Variants in LAMP3 observed in about 807,000 individuals in gnomAD.
LAMP3 encodes the protein lysosome-associated membrane glycoprotein 3.
LAMP3 carries 26 observed loss-of-function variants against 34.8 expected under a neutral mutation model. The ratio of observed to expected loss-of-function variants is 0.75; its 90% CI spans 0.55 to 1.04. LAMP3 has a LOEUF of 1.04. Ranked by LOEUF, LAMP3 falls within the 50% of genes least tolerant of loss-of-function variation. The probability of loss-of-function intolerance (pLI) is 0.00; values close to 1 mark genes in which losing one functional copy is unlikely to be tolerated. For synonymous variants in LAMP3, 180 were observed against 201.9 expected, an observed-to-expected ratio of 0.89 and a Z score of 0.92; for missense variants, 495 against 524.0, an observed-to-expected ratio of 0.94 and a Z score of 0.54.
intron 4 of LAMP3, among the ~76,000 whole-genome samples, 166 bp downstream of exon 4, chr3:183,140,372 C>T (rs1342556834): frequency 7.1e-6 from 1 of 140,016 alleles, no homozygotes; most frequent in Non-Finnish European, 1.5e-5. Context: ...GATCGTGCCA[C>T]TACACTCCAG....
At chr3:183,153,304 A>G (rs754334807) in intron 2 of LAMP3, among the ~76,000 whole-genome samples, 1 of 152,176 alleles carries the variant, frequency 6.6e-6, no homozygotes, top group Non-Finnish European at 1.5e-5. Context: ...ACTGCCCGGA[A>G]CCATAGAGAC....
rs1720663922 is a variant in LAMP3, at chr3:183,152,369, C to T, written c.888+6G>A. On this transcript the variant is annotated splice_donor_region_variant and intron_variant, in intron 3 of 5. Transcript: ENST00000265598. Reference sequence around the variant, plus strand: ...TGCAGTTTGTGCAAAGGAGCTCAGGCCTCACCTTGGTAAATGTGAGATTCA... The same window carrying T: ...TGCAGTTTGTGCAAAGGAGCTCAGGTCTCACCTTGGTAAATGTGAGATTCA... 1.9e-6 allele frequency: 3 copies of T among 1,605,040 alleles called. No homozygotes were observed. The highest frequency in any genetic ancestry group is 2.7e-5 in the African/African-American group (2 of 74,412).
At chr3:183,150,157 T>C (rs1720586282) in intron 3 of LAMP3, among the ~76,000 whole-genome samples, 1 of 152,176 alleles carries the variant, frequency 6.6e-6, no homozygotes, top group Admixed American at 6.5e-5. Flanking sequence ...GACGACCTGC[T>C]GATGCTTCTG....
intron 4 of LAMP3, among the ~76,000 whole-genome samples, chr3:183,138,074 C>T (rs1298709868): frequency 2.0e-5 from 3 of 152,108 alleles, no homozygotes; most frequent in East Asian, 1.9e-4. Flanking sequence ...CTGCCCACCT[C>T]AGCCTCCCAA....
chr3:183,150,565 C>CT (rs10665288), intron 3 of LAMP3, among the ~76,000 whole-genome samples: 5,725 of 86,096 alleles, frequency 0.066, 394 homozygotes, highest in East Asian at 0.15. Context: ...GCCAAAGTGA[C>CT]TTTTTTTTTT....
At chr3:183,159,450 C>T (rs1720913790) in intron 1 of LAMP3, among the ~76,000 whole-genome samples, 1 of 151,890 alleles carries the variant, frequency 6.6e-6, no homozygotes, top group African/African-American at 2.4e-5. Context: ...CCTGGCAGGC[C>T]TTGGAGACTA....
In LAMP3 at chr3:183,137,678, T is replaced by C. The variant is rs140985657; in HGVS notation, c.947-1791A>G. On this transcript the variant is annotated intron_variant, in intron 4 of 5. Transcript: ENST00000265598. ...CTACCGTAATTACAACTGATTACTA[T>C]TCTTAATACCCCCACTAACATGAAA... Among the ~76,000 whole-genome samples, 18 of 152,316 alleles carry C rather than the reference T, an allele frequency of 1.2e-4. No individual in the cohort carries two copies. In the East Asian group the frequency reaches 3.1e-3, roughly 26 times the overall value.
chr3:183,130,566 C>G (rs535682017), intron 5 of LAMP3, among the ~76,000 whole-genome samples: 1 of 152,248 alleles, frequency 6.6e-6, no homozygotes, highest in African/African-American at 2.4e-5. Context: ...GCGTGGCAGT[C>G]GAGATACTCC....
intron 2 of LAMP3, 78 bp downstream of exon 2, chr3:183,153,604 G>C: frequency 1.1e-6 from 1 of 934,364 alleles, no homozygotes; most frequent in Non-Finnish European, 1.6e-6. Context: ...CAGGATGTGG[G>C]GAATGCTCAT....
rs1397793610 is a variant in LAMP3, at chr3:183,123,222, C to T, written c.*859G>A. 1 of 152,004 alleles carries T rather than the reference C, an allele frequency of 6.6e-6. No individual in the cohort carries two copies. Among genetic ancestry groups the T allele is most frequent in the African/African-American group, 2.4e-5 (1 of 41,378 alleles). The allele number at this position is 152,004 out of a possible 1,614,324, so 9.4% of individuals were successfully genotyped here. ...TCTTTTTGTTGGTTTTACATAAAAA[C>T]ACTTAGACAACCTGAGATATGTTGT... On this transcript the variant is annotated 3_prime_UTR_variant, in exon 6 of 6. Transcript: ENST00000265598.
Position 183,153,729 on chromosome 3 carries a change from T to C in LAMP3, c.712A>G (p.Ile238Val). The C allele has an allele frequency of 6.5e-7, 1 of 1,534,996 alleles. No individual in the cohort carries two copies. ...AGCTGTATCCCCATCTCTGCTTTTATACAGAGTCTGCTTCCGTTTAGAACC... is the reference window on the plus strand; with the variant it reads ...AGCTGTATCCCCATCTCTGCTTTTACACAGAGTCTGCTTCCGTTTAGAACC... ...YQVLNGSRLC[I>V]KAEMGIQLIV... Residue 238 changes from isoleucine (I) to valine (V), a missense_variant, in exon 2 of 6, where the codon ATA (isoleucine) becomes GTA (valine). Ile to Val is a conservative substitution (Grantham distance 29, BLOSUM62 3). Coordinates refer to ENST00000265598, the MANE Select transcript of LAMP3 (RefSeq NM_014398.4).
intron 5 of LAMP3, among the ~76,000 whole-genome samples, chr3:183,128,707 A>C (rs1031604575): frequency 6.6e-6 from 1 of 151,976 alleles, no homozygotes; most frequent in Non-Finnish European, 1.5e-5. Flanking sequence ...ACACCCAGCT[A>C]ATTTTTGTAT....
chr3:183,135,456 C>T (rs558789536), intron 5 of LAMP3, among the ~76,000 whole-genome samples: 44 of 152,232 alleles, frequency 2.9e-4, no homozygotes, highest in Admixed American at 8.5e-4. Flanking sequence ...TTTGATTGAG[C>T]GCGTGAGTGT....
At chr3:183,141,301 C>A (rs1055477049) in intron 3 of LAMP3, among the ~76,000 whole-genome samples, 7 of 152,172 alleles carry the variant, frequency 4.6e-5, no homozygotes, top group Non-Finnish European at 7.3e-5. Flanking sequence ...CCTAAAGCAG[C>A]ACCCCCACAT....
Position 183,154,138 on chromosome 3 carries a change from G to A in LAMP3, c.303C>T (p.Thr101=), listed in dbSNP as rs1720751830. 4 of 1,613,862 alleles carry A rather than the reference G, an allele frequency of 2.5e-6. No homozygotes were observed. Among genetic ancestry groups the A allele is most frequent in the Admixed American group, 3.3e-5 (2 of 59,990 alleles). ...TKNTATTSPI[T]YTLVTTQATP... ...TGGCCTGGGTTGTGACCAGGGTGTAGGTAATTGGGCTGGTGGTTGCAGTGT... is the reference window on the plus strand; with the variant it reads ...TGGCCTGGGTTGTGACCAGGGTGTAAGTAATTGGGCTGGTGGTTGCAGTGT... Residue 101 remains threonine (T), a synonymous_variant, in exon 2 of 6, where the codon ACC becomes ACT. Coordinates refer to ENST00000265598, the MANE Select transcript of LAMP3 (RefSeq NM_014398.4).
chr3:183,132,387 A>C (rs1366262443), intron 5 of LAMP3: 2 of 970,184 alleles, frequency 2.1e-6, no homozygotes, highest in Admixed American at 6.2e-5. Flanking sequence ...TTTGAAATGC[A>C]TTGGTTTTTT....
At chr3:183,140,477 G>T (rs1289704219) in intron 4 of LAMP3, 61 bp downstream of exon 4, 1 of 861,336 alleles carries the variant, frequency 1.2e-6, no homozygotes, top group Non-Finnish European at 1.9e-6. Flanking sequence ...GGGATGAAAG[G>T]TGAGCTAACC....
At chr3:183,149,131 T>C (rs1720534008) in intron 3 of LAMP3, among the ~76,000 whole-genome samples, 1 of 151,870 alleles carries the variant, frequency 6.6e-6, no homozygotes. Flanking sequence ...TTTGTGGAAA[T>C]TAAAAATTAA....
intron 5 of LAMP3, among the ~76,000 whole-genome samples, chr3:183,135,085 G>A (rs1720041558): frequency 6.6e-6 from 1 of 152,198 alleles, no homozygotes; most frequent in African/African-American, 2.4e-5. Context: ...CCTTGCCCAG[G>A]GACCTGTTTT....
Sources: allele counts gnomAD v4.1 joint callset (sites outside exome capture counted in the v4.1 genomes callset), GRCh38; gene constraint gnomAD v4.1.1; transcripts MANE v1.5; gene names NCBI Gene and HGNC (gene_info 2026-07-23, HGNC 2026-07-21).